Variants in PON1 observed in about 807,000 individuals in gnomAD.
PON1 encodes serum paraoxonase/arylesterase 1.
A neutral mutation model predicts 39.2 loss-of-function variants in PON1; 37 were observed. The observed-to-expected ratio is 0.94, with a 90% CI of 0.73 to 1.24. PON1 has a LOEUF of 1.24. Ranked by LOEUF, PON1 falls within the 50% of genes most tolerant of loss-of-function variation. The pLI is 0.00. For missense variants in PON1, 397 were observed against 413.5 expected, an observed-to-expected ratio of 0.96 and a Z score of 0.35; for synonymous variants, 148 against 152.2, an observed-to-expected ratio of 0.97 and a Z score of 0.21.
At chr7:95,304,369 G>A (rs1330031442) in intron 7 of PON1, among the ~76,000 whole-genome samples, 1 of 72,756 alleles carries the variant, frequency 1.4e-5, no homozygotes, top group Non-Finnish European at 2.5e-5. Context: ...TTTTGCTCTT[G>A]TTGCCCAGAC....
chr7:95,313,719 T>A (rs1244714552), intron 4 of PON1, among the ~76,000 whole-genome samples: 1 of 151,646 alleles, frequency 6.6e-6, no homozygotes, highest in African/African-American at 2.4e-5. Flanking sequence ...ATTTTGAGTT[T>A]AAAGTGTCTA....
intron 4 of PON1, among the ~76,000 whole-genome samples, chr7:95,314,901 T>C (rs1334074505): frequency 6.6e-6 from 1 of 152,152 alleles, no homozygotes; most frequent in Non-Finnish European, 1.5e-5. Flanking sequence ...TTGAAGATAA[T>C]GGGACCGGCA....
rs755438987 is a variant in PON1, at chr7:95,324,384, C to T, written c.74+18G>A. 5 of 1,613,446 alleles carry T rather than the reference C, an allele frequency of 3.1e-6. No individual in the cohort carries two copies. The South Asian group carries it at 5.5e-5, about 18-fold the overall frequency. On this transcript the variant is annotated intron_variant, in intron 1 of 8. Coordinates refer to ENST00000222381, the MANE Select transcript of PON1 (RefSeq NM_000446.7). Reference sequence around the variant, plus strand: ...TGAGGAGGACGAAGGCTGCAGCCCTCACCACAACCCAACTTACTGGTAAGA... The same window carrying T: ...TGAGGAGGACGAAGGCTGCAGCCCTTACCACAACCCAACTTACTGGTAAGA...
intron 8 of PON1, among the ~76,000 whole-genome samples, chr7:95,300,206 C>T (rs1053069328): frequency 1.3e-5 from 2 of 152,136 alleles, no homozygotes; most frequent in South Asian, 2.1e-4. Flanking sequence ...ATAGCAATAG[C>T]GTGTGATTCA....
At chr7:95,317,573 CAAAAAAAA>C (rs869140411) in intron 2 of PON1, among the ~76,000 whole-genome samples, 5 of 46,868 alleles carry the variant, frequency 1.1e-4, no homozygotes, top group East Asian at 5.2e-4. Flanking sequence ...TCTAAAAGAA[CAAAAAAAA>C]AAAAAAAAAA....
intron 1 of PON1, among the ~76,000 whole-genome samples, chr7:95,320,096 A>G (rs1807862277): frequency 2.0e-5 from 3 of 152,238 alleles, no homozygotes; most frequent in Admixed American, 2.0e-4. Flanking sequence ...ACCGAGGACA[A>G]CACAAAGACT....
At position 95,302,352 on chromosome 7, in the gene PON1, A is replaced by G. The variant is rs1436997182; in HGVS notation, c.781-19T>C. 4 of 1,595,742 alleles carry G rather than the reference A, an allele frequency of 2.5e-6. No homozygotes were observed. The highest frequency in any genetic ancestry group is 3.4e-6 in the Non-Finnish European group (4 of 1,165,546). On this transcript the variant is annotated intron_variant, in intron 7 of 8. Coordinates refer to ENST00000222381, the MANE Select transcript of PON1 (RefSeq NM_000446.7). ...CAAGGGACTTAAAAGATTAAAAACA[A>G]GAAAAGAACAAGACATAAAGTAAAA...
Position 95,324,458 on chromosome 7 carries a change from C to G in PON1, c.18G>C (p.Ala6=), listed in dbSNP as rs1190063709. The G allele has an allele frequency of 6.2e-7, 1 of 1,614,102 alleles. No homozygotes were observed. Among genetic ancestry groups the G allele is most frequent in the East Asian group, 2.2e-5 (1 of 44,854 alleles). The change falls in exon 1 of 9, where the codon GCG becomes GCC. Residue 6 remains alanine, a synonymous_variant. Transcript: ENST00000222381. The part of the protein sequence containing the change: MAKLI[A]LTLLGMGLAL... ...CCAGTCCCATCCCCAAGAGGGTGAG[C>G]GCAATCAGCTTCGCCATGGTCGGGG...
At chr7:95,304,813 G>A (rs1170779375) in intron 7 of PON1, among the ~76,000 whole-genome samples, 1 of 152,164 alleles carries the variant, frequency 6.6e-6, no homozygotes. Flanking sequence ...GACAATTGAT[G>A]GAGAACCTTT....
At chr7:95,321,974 C>A (rs1050257262) in intron 1 of PON1, among the ~76,000 whole-genome samples, 1 of 152,118 alleles carries the variant, frequency 6.6e-6, no homozygotes, top group Non-Finnish European at 1.5e-5. Flanking sequence ...GTGAATACTG[C>A]AACCTATTCA....
At chr7:95,302,096 C>CAGAAAAAAA in intron 8 of PON1, 109 bp downstream of exon 8, 1 of 319,732 alleles carries the variant, frequency 3.1e-6, no homozygotes, top group Non-Finnish European at 5.0e-6. Context: ...TACTCTGTCA[C>CAGAAAAAAA]AAAAAAAAAA....
At chr7:95,305,739 C>T (rs1480699924) in intron 7 of PON1, among the ~76,000 whole-genome samples, 1 of 151,972 alleles carries the variant, frequency 6.6e-6, no homozygotes, top group African/African-American at 2.4e-5. Flanking sequence ...AATGGTGCCC[C>T]GTTCTGAGAC....
intron 8 of PON1, 82 bp downstream of exon 8, chr7:95,302,119 AAACC>A: frequency 2.5e-6 from 2 of 802,062 alleles, no homozygotes; most frequent in African/African-American, 2.5e-5. Flanking sequence ...AAAAAAAAAA[AAACC>A]AAGAATTGAG....
chr7:95,318,465 TC>T, intron 1 of PON1, 72 bp from the exon 2 acceptor site: 1 of 1,370,458 alleles, frequency 7.3e-7, no homozygotes, highest in Non-Finnish European at 1.0e-6. Flanking sequence ...AGGTAGGCAG[TC>T]CACAAAAGTT....
rs1807357478 is a variant in PON1 at position 95,299,049 on chromosome 7, A to G, written c.963T>C (p.Tyr321=). Residue 321 remains tyrosine, a synonymous_variant, in exon 9 of 9, where the codon TAT becomes TAC. Coordinates refer to ENST00000222381, the MANE Select transcript of PON1 (RefSeq NM_000446.7). ...LTEEPKVTQV[Y]AENGTVLQGS... ...CTTGCAACACTGTGCCATTTTCTGCATAAACCTGTGTCACTTTAGGTTCTT... is the reference window on the plus strand; with the variant it reads ...CTTGCAACACTGTGCCATTTTCTGCGTAAACCTGTGTCACTTTAGGTTCTT... 6.2e-7 allele frequency: 1 copy of G among 1,614,064 alleles called. No individual in the cohort carries two copies. The highest frequency in any genetic ancestry group is 1.1e-5 in the South Asian group (1 of 91,090).
intron 4 of PON1, among the ~76,000 whole-genome samples, chr7:95,312,469 C>A (rs3917518): frequency 0.088 from 13,439 of 152,236 alleles, 768 homozygotes; most frequent in African/African-American, 0.14. Context: ...ATTTTCATTA[C>A]CCCATTCAGC....
intron 7 of PON1, among the ~76,000 whole-genome samples, chr7:95,303,231 T>C (rs1807470309): frequency 6.6e-6 from 1 of 152,200 alleles, no homozygotes; most frequent in African/African-American, 2.4e-5. Context: ...AAATGAGAGC[T>C]GTTCCTCACA....
intron 6 of PON1, among the ~76,000 whole-genome samples, chr7:95,306,955 C>G (rs1807554876): frequency 6.6e-6 from 1 of 152,028 alleles, no homozygotes; most frequent in Admixed American, 6.6e-5. Flanking sequence ...CAATTATCTT[C>G]TATTTTTTGA....
intron 7 of PON1, among the ~76,000 whole-genome samples, chr7:95,302,786 C>T (rs542320187): frequency 1.3e-5 from 2 of 152,310 alleles, no homozygotes; most frequent in South Asian, 4.1e-4. Context: ...AATGGCTAAT[C>T]ATAGGCTGTG....
Sources: allele counts gnomAD v4.1 joint callset (sites outside exome capture counted in the v4.1 genomes callset), GRCh38; gene constraint gnomAD v4.1.1; transcripts MANE v1.5; gene names NCBI Gene and HGNC (gene_info 2026-07-23, HGNC 2026-07-21).